USP26: variants seen among roughly 807,000 people sequenced by gnomAD.
USP26 encodes the protein ubiquitin carboxyl-terminal hydrolase 26.
For missense variants in USP26, 649 were observed against 642.3 expected (o/e 1.01, Z -0.11); for synonymous variants, 236 against 240.6 (o/e 0.98, Z 0.18).
At chrX:133,047,422 GC>G (rs941102241) in intron 5 of USP26, among the ~76,000 whole-genome samples, 4 of 112,234 alleles carry the variant, frequency 3.6e-5, no homozygotes, top group African/African-American at 1.3e-4. Context: ...GTTCCAAGAA[GC>G]AAACCATCTA....
At chrX:133,030,016 A>G (rs2067370445) in intron 5 of USP26, among the ~76,000 whole-genome samples, 1 of 111,812 alleles carries the variant, frequency 8.9e-6, no homozygotes, top group African/African-American at 3.2e-5. Context: ...AGTATTTTAA[A>G]CTAAAATGTA....
chrX:133,068,192 G>C (rs1035851602), intron 5 of USP26, among the ~76,000 whole-genome samples: 1 of 111,922 alleles, frequency 8.9e-6, no homozygotes, highest in Non-Finnish European at 1.9e-5. Flanking sequence ...TTAAGTGGGA[G>C]TTAAATATTG....
intron 5 of USP26, among the ~76,000 whole-genome samples, chrX:133,067,430 G>A (rs986189513): frequency 1.1e-4 from 12 of 112,622 alleles, no homozygotes; most frequent in African/African-American, 3.9e-4. Flanking sequence ...ACATACATAT[G>A]TTTATTGCAG....
Position 133,027,348 on chromosome X carries a change from C to T in USP26, c.873G>A (p.Glu291=). 2.5e-6 allele frequency: 3 copies of T among 1,210,645 alleles called. No homozygotes were observed. The highest frequency in any genetic ancestry group is 3.4e-6 in the Non-Finnish European group (3 of 894,749). The change falls in exon 6 of 6, where the codon GAG becomes GAA. Residue 291 remains glutamate, a synonymous_variant. Transcript: ENST00000511190. ...KLKLFFELFP[E]KICHGLPNLG... is the part of the protein sequence containing the mutation. ...AATTGGGGAGGCCGTGGCATATTTT[C>T]TCTGGAAATAATTCAAAAAATAGTT...
chrX:133,026,694 T>C lies in USP26; in HGVS notation c.1527A>G (p.Ser509=). Residue 509 remains serine, a synonymous_variant, in exon 6 of 6, where the codon TCA becomes TCG. Coordinates refer to ENST00000511190, the MANE Select transcript of USP26 (RefSeq NM_031907.3). Reference sequence around the variant, plus strand: ...TAAGGATTCTAGGTAGCCTACTGAATGAGTGCACTCCAACGGAAGTCTTGT... The same window carrying C: ...TAAGGATTCTAGGTAGCCTACTGAACGAGTGCACTCCAACGGAAGTCTTGT... ...CEHKTSVGVH[S]FSRLPRILIV... 3 of 1,211,027 alleles carry C rather than the reference T, an allele frequency of 2.5e-6. No homozygotes were observed. The highest frequency in any genetic ancestry group is 1.8e-5 in the South Asian group (1 of 56,928).
At chrX:133,069,287 C>T (rs149596846) in intron 5 of USP26, among the ~76,000 whole-genome samples, 2,017 of 111,378 alleles carry the variant, frequency 0.018, 32 homozygotes, top group African/African-American at 0.06. Context: ...TTAAGGAGGA[C>T]GACAGAGAGG....
rs760501445 is a variant in USP26, at chrX:133,056,474, C to A, written c.-77+27233G>T. 1.7e-4 allele frequency among the ~76,000 whole-genome samples: 19 copies of A among 111,637 alleles called. No homozygotes were observed. The East Asian group carries it at 5.4e-3, about 31-fold the overall frequency. ...CTAGGAAGAGCCAATTAGGGGATTT[C>A]TCTTTGTTAGAAGCTAGACTAGCAG... is the stretch of plus-strand genomic sequence containing the variant. On this transcript the variant is annotated intron_variant, in intron 5 of 5. Transcript: ENST00000511190.
In USP26 at chrX:133,085,600, C is replaced by A. The variant is rs1472130752; in HGVS notation, c.-141-1829G>T. On this transcript the variant is annotated intron_variant, in intron 4 of 5. Coordinates refer to ENST00000511190, the MANE Select transcript of USP26 (RefSeq NM_031907.3). Reference sequence around the variant, plus strand: ...CATACAGATGATACATCTGCATTAACCATACAACTTGTTAAATGCTACACT... The same window carrying A: ...CATACAGATGATACATCTGCATTAAACATACAACTTGTTAAATGCTACACT... Among the ~76,000 whole-genome samples, 5 of 112,125 alleles carry A rather than the reference C, an allele frequency of 4.5e-5. 1 individual carries two copies. Among genetic ancestry groups the A allele is most frequent in the Non-Finnish European group, 9.4e-5 (5 of 53,279 alleles).
At chrX:133,063,748 A>G (rs2067501857) in intron 5 of USP26, among the ~76,000 whole-genome samples, 1 of 111,869 alleles carries the variant, frequency 8.9e-6, no homozygotes, top group Non-Finnish European at 1.9e-5. Flanking sequence ...ATGGAAAGGA[A>G]AAACCGGTAC....
Position 133,026,310 on chromosome X carries a change from C to T in USP26, c.1911G>A (p.Glu637=). Residue 637 remains glutamate, a synonymous_variant, in exon 6 of 6, where the codon GAG becomes GAA. Coordinates refer to ENST00000511190, the MANE Select transcript of USP26 (RefSeq NM_031907.3). ...KYLGKNSKPN[E]LESVYSGDRA... is the part of the protein sequence containing the mutation. The stretch of plus-strand genomic sequence containing the variant: ...GATCTCCTGAGTATACAGATTCTAG[C>T]TCATTTGGTTTAGAATTTTTTCCAA... 8.3e-7 allele frequency: 1 copy of T among 1,207,166 alleles called. No individual in the cohort carries two copies. The highest frequency in any genetic ancestry group is 1.1e-6 in the Non-Finnish European group (1 of 894,662).
Position 133,025,406 on chromosome X carries a change from T to C in USP26, c.*73A>G, listed in dbSNP as rs1299903688. 1 of 1,198,827 alleles carries C rather than the reference T, an allele frequency of 8.3e-7. No individual in the cohort carries two copies. Among genetic ancestry groups the C allele is most frequent in the East Asian group, 3.0e-5 (1 of 33,524 alleles). On this transcript the variant is annotated 3_prime_UTR_variant, in exon 6 of 6. Transcript: ENST00000511190. ...TTTCATCTCTGGATAAAGTTCACAG[T>C]TTTCCTTCCATGGAGGAAGTGGTAT...
In USP26 at chrX:133,047,880, G is replaced by A. The variant is rs372643482; in HGVS notation, c.-76-19584C>T. On this transcript the variant is annotated intron_variant, in intron 5 of 5. Transcript: ENST00000511190. ...CAAACTTCCCAGTCTCCAGAACTGTGAGAAATAAATTTTCATTGTTTACAA... is the reference window on the plus strand; with the variant it reads ...CAAACTTCCCAGTCTCCAGAACTGTAAGAAATAAATTTTCATTGTTTACAA... Among the ~76,000 whole-genome samples the A allele has an allele frequency of 2.0e-4, 22 of 111,687 alleles. No individual in the cohort carries two copies. In the South Asian group the frequency reaches 8.5e-3, roughly 43 times the overall value.
Position 133,038,303 on chromosome X carries a change from T to A in USP26, c.-76-10007A>T, listed in dbSNP as rs140048516. Among the ~76,000 whole-genome samples the A allele has an allele frequency of 8.1e-5, 9 of 111,704 alleles. No individual in the cohort carries two copies. The South Asian group carries it at 2.3e-3, about 28-fold the overall frequency. On this transcript the variant is annotated intron_variant, in intron 5 of 5. Coordinates refer to ENST00000511190, the MANE Select transcript of USP26 (RefSeq NM_031907.3). ...CAGTATGATATTGGCTATGGGTTTG[T>A]CAATAAATAGCTCTTATTATTTTGA...
intron 5 of USP26, among the ~76,000 whole-genome samples, chrX:133,043,950 TA>T (rs201308742): frequency 5.6e-4 from 60 of 106,594 alleles, no homozygotes; most frequent in East Asian, 2.3e-3. Flanking sequence ...ATTGCTCCAT[TA>T]AAAAAAAAAT....
chrX:133,065,565 T>A (rs1602983233), intron 5 of USP26, among the ~76,000 whole-genome samples: 1 of 111,936 alleles, frequency 8.9e-6, no homozygotes, highest in East Asian at 2.8e-4. Flanking sequence ...GCAAGGCTAG[T>A]TCAATATACC....
chrX:133,030,407 G>A lies in USP26; in HGVS notation c.-76-2111C>T, dbSNP rs765889533. 1.2e-4 allele frequency among the ~76,000 whole-genome samples: 13 copies of A among 111,829 alleles called. No individual in the cohort carries two copies. The South Asian group carries it at 2.3e-3, about 20-fold the overall frequency. ...ACTAATTCACTCTACATTGATCTTC[G>A]TGTTCACTGAGACAGTTGCTGAGCA... On this transcript the variant is annotated intron_variant, in intron 5 of 5. Transcript: ENST00000511190.
intron 5 of USP26, among the ~76,000 whole-genome samples, chrX:133,071,246 A>C (rs191232978): frequency 9.2e-4 from 102 of 110,470 alleles, no homozygotes; most frequent in Non-Finnish European, 1.6e-3. Context: ...TACATAAATA[A>C]ATGGTACTGG....
intron 5 of USP26, among the ~76,000 whole-genome samples, chrX:133,071,565 C>A (rs1307348375): frequency 9.1e-6 from 1 of 110,096 alleles, no homozygotes; most frequent in African/African-American, 3.3e-5. Flanking sequence ...AGCAACCCAA[C>A]AATAAAGTAA....
At chrX:133,045,603 C>T (rs746365731) in intron 5 of USP26, among the ~76,000 whole-genome samples, 2 of 111,665 alleles carry the variant, frequency 1.8e-5, no homozygotes, top group Admixed American at 9.5e-5. Context: ...ACGAACCCAC[C>T]GGGAGGAACG....
Sources: allele counts gnomAD v4.1 joint callset (sites outside exome capture counted in the v4.1 genomes callset), GRCh38; gene constraint gnomAD v4.1.1; transcripts MANE v1.5; gene names NCBI Gene and HGNC (gene_info 2026-07-23, HGNC 2026-07-21).